The following UTP15 variants were observed in gnomAD, a reference collection of about 807,000 sequenced individuals.
UTP15 encodes UTP15 small subunit processome component, also known as U3 small nucleolar RNA-associated protein 15 homolog.
A neutral mutation model predicts 59.1 loss-of-function variants in UTP15; 5 were observed. The observed-to-expected ratio is 0.08, with a 90% CI of 0.04 to 0.18. The LOEUF (loss-of-function observed/expected upper bound fraction) is 0.18. UTP15 is among the 10% of genes least tolerant of loss of function. UTP15 has a pLI of 1.00. For missense variants in UTP15, 494 were observed against 616.7 expected, an observed-to-expected ratio of 0.80 and a Z score of 2.11; for synonymous variants, 211 against 212.2, an observed-to-expected ratio of 0.99 and a Z score of 0.05.
chr5:73,583,261 G>A lies in UTP15; in HGVS notation c.*3167G>A, dbSNP rs1013945624. On this transcript the variant is annotated 3_prime_UTR_variant, in exon 13 of 13. Coordinates refer to ENST00000296792, the MANE Select transcript of UTP15 (RefSeq NM_032175.4). ...ATGAAATTCCTGATCTGGGAAAATG[G>A]GAGGCTGGGAATGCTATGTCTAGGT... 17 of 152,210 alleles carry A rather than the reference G, an allele frequency of 1.1e-4. No homozygotes were observed. Among genetic ancestry groups the A allele is most frequent in the African/African-American group, 3.9e-4 (16 of 41,440 alleles). 9.4% of individuals were successfully genotyped at this position (152,210 alleles called of 1,614,324 possible). A position where few individuals can be genotyped will look rare whatever the true frequency, so the allele number is the denominator to read the frequency against.
intron 1 of UTP15, chr5:73,566,126 G>A: frequency 3.2e-6 from 1 of 315,384 alleles, no homozygotes; most frequent in Non-Finnish European, 6.3e-6. Flanking sequence ...GGAGTAATCA[G>A]CAACTCTCCA....
intron 2 of UTP15, among the ~76,000 whole-genome samples, chr5:73,567,932 G>A (rs1203331942): frequency 2.6e-5 from 4 of 152,158 alleles, no homozygotes; most frequent in African/African-American, 9.7e-5. Flanking sequence ...GTACAAGTAC[G>A]TGGTTATTGT....
chr5:73,573,557 T>G (rs1315676433), intron 7 of UTP15, among the ~76,000 whole-genome samples: 2 of 146,360 alleles, frequency 1.4e-5, no homozygotes, highest in African/African-American at 5.1e-5. Context: ...CTGAAAAGTT[T>G]TTTAAAAATT....
In UTP15 at chr5:73,579,760, G is replaced by A. The variant is rs920765816; in HGVS notation, c.1340-117G>A. 5.6e-6 allele frequency: 3 copies of A among 535,814 alleles called. No homozygotes were observed. In the East Asian group the frequency reaches 9.7e-5, roughly 17 times the overall value. The allele number at this position is 535,814 out of a possible 1,614,324, so 33.2% of individuals were successfully genotyped here. A position where few individuals can be genotyped will look rare whatever the true frequency, so the allele number is the denominator to read the frequency against. On this transcript the variant is annotated intron_variant, in intron 12 of 12. Coordinates refer to ENST00000296792, the MANE Select transcript of UTP15 (RefSeq NM_032175.4). The stretch of plus-strand genomic sequence containing the variant: ...AAATCATTAATTAATTATAAAATAA[G>A]TACAGATTTTTCAGTGTTCTTATGT...
chr5:73,576,240 G>A (rs999121104), intron 7 of UTP15, among the ~76,000 whole-genome samples: 2 of 151,634 alleles, frequency 1.3e-5, no homozygotes, highest in Non-Finnish European at 2.9e-5. Context: ...GAGTAGCTGG[G>A]ATTACAGGTG....
intron 6 of UTP15, among the ~76,000 whole-genome samples, chr5:73,571,919 G>T (rs1399961491): frequency 6.6e-6 from 1 of 152,216 alleles, no homozygotes; most frequent in East Asian, 1.9e-4. Context: ...CTAGCTAATT[G>T]TGACCTCGGG....
At chr5:73,575,851 A>G (rs1471398274) in intron 7 of UTP15, among the ~76,000 whole-genome samples, 1 of 150,372 alleles carries the variant, frequency 6.7e-6, no homozygotes, top group East Asian at 2.0e-4. Flanking sequence ...GCTCCCAAGT[A>G]GCCGAGATTA....
intron 7 of UTP15, among the ~76,000 whole-genome samples, chr5:73,575,848 A>G (rs368135768): frequency 3.3e-5 from 5 of 151,010 alleles, no homozygotes; most frequent in African/African-American, 1.2e-4. Flanking sequence ...TCAGCTCCCA[A>G]GTAGCCGAGA....
intron 9 of UTP15, 75 bp from the exon 10 acceptor site, chr5:73,578,676 T>C: frequency 7.8e-7 from 1 of 1,281,302 alleles, no homozygotes; most frequent in Non-Finnish European, 1.1e-6. Flanking sequence ...CACTTCATTA[T>C]GAAAAAGTTT....
chr5:73,576,479 T>C (rs1748098995), intron 7 of UTP15, among the ~76,000 whole-genome samples: 1 of 141,094 alleles, frequency 7.1e-6, no homozygotes. Context: ...ATACAGCTCT[T>C]TTTTTTTTTT....
intron 8 of UTP15, 129 bp downstream of exon 8, chr5:73,577,165 C>T (rs1748128697): frequency 2.8e-6 from 2 of 719,726 alleles, no homozygotes; most frequent in Middle Eastern, 2.7e-4. Flanking sequence ...TGAGTTAAGA[C>T]AATTGCTGGA....
intron 7 of UTP15, among the ~76,000 whole-genome samples, chr5:73,575,681 G>C (rs948930307): frequency 1.3e-4 from 20 of 151,254 alleles, no homozygotes; most frequent in African/African-American, 4.9e-4. Context: ...ACAGGTGTGA[G>C]CCATCACACT....
rs779943324 is a variant in UTP15 at position 73,572,473 on chromosome 5, T to C, written c.674-16T>C. The C allele has an allele frequency of 1.7e-5, 27 of 1,612,238 alleles. No individual in the cohort carries two copies. In the Admixed American group the frequency reaches 4.4e-4, roughly 26 times the overall value. ...TGTGGGCAGAATATCCAACTAACGATGATTTCTTTTTATAGGAGGTCGTTA... is the reference window on the plus strand; with the variant it reads ...TGTGGGCAGAATATCCAACTAACGACGATTTCTTTTTATAGGAGGTCGTTA... On this transcript the variant is annotated splice_polypyrimidine_tract_variant and intron_variant, in intron 6 of 12. Coordinates refer to ENST00000296792, the MANE Select transcript of UTP15 (RefSeq NM_032175.4).
In UTP15 at chr5:73,569,505, A is replaced by T. The variant is rs1420729091; in HGVS notation, c.377A>T (p.His126Leu). 2 of 1,606,962 alleles carry T rather than the reference A, an allele frequency of 1.2e-6. No homozygotes were observed. The highest frequency in any genetic ancestry group is 3.4e-5 in the Admixed American group (2 of 59,036). The change falls in exon 5 of 13, where the codon CAT becomes CTT. Residue 126 changes from histidine (H) to leucine (L), a missense_variant. His to Leu is a moderately conservative substitution (Grantham distance 99, BLOSUM62 -3). Coordinates refer to ENST00000296792, the MANE Select transcript of UTP15 (RefSeq NM_032175.4). ...GACCTTCAATCTTTCAGAGCAGTTC[A>T]TACAGTAGATTTTACAGCTGACAAA... ...RQFEGHTKAV[H>L]TVDFTADKYH...
At chr5:73,575,571 TA>T (rs1012211840) in intron 7 of UTP15, among the ~76,000 whole-genome samples, 3 of 151,826 alleles carry the variant, frequency 2.0e-5, no homozygotes, top group African/African-American at 4.8e-5. Flanking sequence ...TTTTTTAATT[TA>T]TTTTTTTAGA....
intron 8 of UTP15, 127 bp downstream of exon 8, chr5:73,577,163 G>T (rs935324271): frequency 5.5e-6 from 4 of 722,330 alleles, no homozygotes; most frequent in Non-Finnish European, 9.3e-6. Flanking sequence ...TTTGAGTTAA[G>T]ACAATTGCTG....
rs573190106 is a variant in UTP15, at chr5:73,580,725, A to G, written c.*631A>G. 6.6e-6 allele frequency: 1 copy of G among 152,082 alleles called. No individual in the cohort carries two copies. The highest frequency in any genetic ancestry group is 2.4e-5 in the African/African-American group (1 of 41,504). 9.4% of individuals were successfully genotyped at this position (152,082 alleles called of 1,614,324 possible). A position where few individuals can be genotyped will look rare whatever the true frequency, so the allele number is the denominator to read the frequency against. ...GCTAGATTTGTATTCAGAGTGTGAGAGCAAGCTCTACAGATAGACCTTATT... is the reference window on the plus strand; with the variant it reads ...GCTAGATTTGTATTCAGAGTGTGAGGGCAAGCTCTACAGATAGACCTTATT... On this transcript the variant is annotated 3_prime_UTR_variant, in exon 13 of 13. Transcript: ENST00000296792.
At chr5:73,578,880 GTTA>G (rs752805697) in intron 10 of UTP15, 28 bp downstream of exon 10, 8 of 1,578,700 alleles carry the variant, frequency 5.1e-6, no homozygotes, top group Non-Finnish European at 5.2e-6. Context: ...AAAAAATCAT[GTTA>G]TTACTTACCC....
intron 1 of UTP15, chr5:73,566,194 G>A (rs1747756271): frequency 4.5e-6 from 1 of 220,292 alleles, no homozygotes; most frequent in Non-Finnish European, 9.4e-6. Context: ...CAGGTGAAGT[G>A]AACCTAATGG....
Sources: gnomAD v4.1 joint callset for allele counts (sites outside exome capture counted in the v4.1 genomes callset) on GRCh38, gnomAD v4.1.1 for gene constraint, MANE v1.5 for transcripts, NCBI Gene and HGNC (gene_info 2026-07-23, HGNC 2026-07-21) for gene names.